MICAL2: variants seen among roughly 807,000 people sequenced by gnomAD.
MICAL2 encodes [F-actin]-monooxygenase MICAL2.
A neutral mutation model predicts 127.3 loss-of-function variants in MICAL2; 77 were observed. The ratio of observed to expected loss-of-function variants is 0.60; its 90% CI spans 0.50 to 0.73. The LOEUF is 0.73. Ranked by LOEUF, MICAL2 falls within the 30% of genes least tolerant of loss-of-function variation. MICAL2 has a pLI of 0.00. For missense variants in MICAL2, 1,351 were observed against 1,434.4 expected (o/e 0.94, Z 0.94); for synonymous variants, 570 against 551.1 (o/e 1.03, Z -0.48).
intron 1 of MICAL2, among the ~76,000 whole-genome samples, chr11:12,129,767 G>T (rs947888614): frequency 6.6e-6 from 1 of 151,682 alleles, no homozygotes; most frequent in African/African-American, 2.4e-5. Context: ...GAGAGCAGTG[G>T]TGGGATCATA....
chr11:12,309,896 T>C (rs1794770569), intron 29 of MICAL2, among the ~76,000 whole-genome samples: 1 of 152,188 alleles, frequency 6.6e-6, no homozygotes, highest in Non-Finnish European at 1.5e-5. Flanking sequence ...TGATATCTCA[T>C]TGTGGTTCGG....
intron 3 of MICAL2, among the ~76,000 whole-genome samples, chr11:12,164,557 C>T (rs1855244326): frequency 6.6e-6 from 1 of 152,210 alleles, no homozygotes; most frequent in Non-Finnish European, 1.5e-5. Flanking sequence ...ATGCTTTGCT[C>T]TCTATTGGCT....
downstream of MICAL2, among the ~76,000 whole-genome samples, chr11:12,360,108 CTTT>C (rs749473057): frequency 0.68 from 97,666 of 142,858 alleles, 36,380 homozygotes; most frequent in East Asian, 0.92. Flanking sequence ...TCCTTCCTTC[CTTT>C]TTTTTTTTAA....
intron 1 of MICAL2, among the ~76,000 whole-genome samples, chr11:12,136,450 C>G (rs894773423): frequency 6.6e-6 from 1 of 152,158 alleles, no homozygotes; most frequent in Non-Finnish European, 1.5e-5. Context: ...GCAGTGTTAA[C>G]TACCCAAGGC....
At chr11:12,292,362 T>C, downstream of MICAL2, 1 of 1,538,928 alleles carries the variant, frequency 6.5e-7, no homozygotes. Flanking sequence ...CTTCCCACCT[T>C]CCACACTTAT....
intron 7 of MICAL2, among the ~76,000 whole-genome samples, chr11:12,214,658 C>A (rs1277405122): frequency 6.6e-6 from 1 of 152,190 alleles, no homozygotes; most frequent in Non-Finnish European, 1.5e-5. Context: ...TTTTATGACA[C>A]ATGAAGTTTA....
chr11:12,181,144 A>G (rs1031707229), intron 3 of MICAL2, among the ~76,000 whole-genome samples: 3 of 152,104 alleles, frequency 2.0e-5, no homozygotes, highest in Non-Finnish European at 4.4e-5. Flanking sequence ...GGGTTTTGCT[A>G]TGTTGGCCAG....
At chr11:12,194,026 G>T (rs953025194) in intron 3 of MICAL2, among the ~76,000 whole-genome samples, 2 of 152,218 alleles carry the variant, frequency 1.3e-5, no homozygotes, top group Non-Finnish European at 2.9e-5. Flanking sequence ...CTTCAAGCAG[G>T]TCTGGCAATA....
chr11:12,330,849 CAG>C (rs1357948595), intron 32 of MICAL2, among the ~76,000 whole-genome samples: 2 of 68,146 alleles, frequency 2.9e-5, no homozygotes, highest in Non-Finnish European at 6.7e-5. Context: ...GAGAGAGAGA[CAG>C]AGAGAGGGGT....
chr11:12,334,280 A>G (rs1483776015), intron 32 of MICAL2, among the ~76,000 whole-genome samples: 1 of 152,194 alleles, frequency 6.6e-6, no homozygotes, highest in Non-Finnish European at 1.5e-5. Context: ...CCTCTTGCAT[A>G]CTTGAAATCA....
At chr11:12,169,984 T>C (rs191686827) in intron 3 of MICAL2, among the ~76,000 whole-genome samples, 12 of 152,342 alleles carry the variant, frequency 7.9e-5, no homozygotes, top group African/African-American at 2.9e-4. Context: ...CTCTGAGTCC[T>C]GCAGCCTGGA....
chr11:12,294,287 T>C, downstream of MICAL2: 1 of 1,614,150 alleles, frequency 6.2e-7, no homozygotes. Flanking sequence ...GCCCCTCCTT[T>C]CCAACTCTGA....
Position 12,349,959 on chromosome 11 carries a change from C to T in MICAL2, c.5615+22C>T, listed in dbSNP as rs181078621. ...TCATGTAAGTAAGGCAACACAGATA[C>T]CAGCGAGTCCTAAAAGCAAAGGGGC... is the stretch of plus-strand genomic sequence containing the variant. On this transcript the variant is annotated intron_variant, in intron 33 of 34. Coordinates refer to the MICAL2 transcript ENST00000646065. 247 of 1,601,432 alleles carry T rather than the reference C, an allele frequency of 1.5e-4. No homozygotes were observed. In the African/African-American group the frequency reaches 3.0e-3, roughly 19 times the overall value.
rs376200276 is a variant in MICAL2, at chr11:12,206,210, G to A, written c.472+1753G>A. Among the ~76,000 whole-genome samples, 4 of 152,156 alleles carry A rather than the reference G, an allele frequency of 2.6e-5. No individual in the cohort carries two copies. In the East Asian group the frequency reaches 5.8e-4, roughly 22 times the overall value. ...ACCACTTTCTCATCAAGTTCTCTTG[G>A]GGGGCAGAACTGGGTACCAGGATGC... On this transcript the variant is annotated intron_variant, in intron 4 of 27. Transcript: ENST00000683283.
At chr11:12,332,324 G>A (rs534490643) in intron 32 of MICAL2, among the ~76,000 whole-genome samples, 37 of 152,322 alleles carry the variant, frequency 2.4e-4, no homozygotes, top group African/African-American at 7.9e-4. Context: ...CAGAGCAGGG[G>A]AAGGGTTGAG....
At chr11:12,175,485 AAAAAG>A in intron 3 of MICAL2, among the ~76,000 whole-genome samples, 1 of 152,278 alleles carries the variant, frequency 6.6e-6, no homozygotes, top group Non-Finnish European at 1.5e-5. Context: ...CGAAAACAAA[AAAAAG>A]AAAACAGACA....
At position 12,337,665 on chromosome 11, in the gene MICAL2, G is replaced by C. The variant is rs1351361314; in HGVS notation, c.5515+10399G>C. Among the ~76,000 whole-genome samples, 3 of 151,576 alleles carry C rather than the reference G, an allele frequency of 2.0e-5. No homozygotes were observed. The South Asian group carries it at 6.3e-4, about 32-fold the overall frequency. On this transcript the variant is annotated intron_variant, in intron 32 of 34. Transcript: ENST00000646065. ...TCTGGTATGTTGTGTCTTTGTTCTC[G>C]TTGGTTTCAAAGAACATCTTTATTT...
intron 1 of MICAL2, among the ~76,000 whole-genome samples, chr11:12,122,119 G>A (rs1186437933): frequency 6.6e-6 from 1 of 152,238 alleles, no homozygotes; most frequent in Non-Finnish European, 1.5e-5. Context: ...TTCAGTCACT[G>A]TAAACACTGG....
intron 3 of MICAL2, among the ~76,000 whole-genome samples, chr11:12,202,368 C>CT (rs1854129190): frequency 6.6e-6 from 1 of 152,216 alleles, no homozygotes; most frequent in Admixed American, 6.5e-5. Flanking sequence ...AGCTCTCCCC[C>CT]TTTCAATCTG....
Sources: allele counts gnomAD v4.1 joint callset (sites outside exome capture counted in the v4.1 genomes callset), GRCh38; gene constraint gnomAD v4.1.1; transcripts MANE v1.5; gene names NCBI Gene and HGNC (gene_info 2026-07-23, HGNC 2026-07-21).